Variants in BEND5 observed in about 807,000 individuals in gnomAD.
BEND5 encodes BEN domain containing 5, also known as BEN domain-containing protein 5.
A neutral mutation model predicts 43.9 loss-of-function variants in BEND5; 22 were observed. That is an observed-to-expected ratio of 0.50 (90% confidence interval 0.36 to 0.72). The LOEUF (loss-of-function observed/expected upper bound fraction) is 0.72. Among genes scored for constraint, BEND5 ranks in the 30% least tolerant of loss-of-function variants. The pLI is 0.00. For synonymous variants in BEND5, 228 were observed against 225.9 expected (o/e 1.01, Z -0.08); for missense variants, 428 against 550.6 (o/e 0.78, Z 2.23).
rs1250214943 is a variant in BEND5, at chr1:48,736,059, C to T, written c.1108+180G>A. Among the ~76,000 whole-genome samples the T allele has an allele frequency of 2.0e-5, 3 of 152,208 alleles. No homozygotes were observed. Among genetic ancestry groups the T allele is most frequent in the African/African-American group, 7.2e-5 (3 of 41,446 alleles). On this transcript the variant is annotated intron_variant, in intron 5 of 5. Transcript: ENST00000371833. The surrounding 1 kb of genome is among the most constrained non-coding windows in gnomAD (Gnocchi z 4.0). Reference sequence around the variant, plus strand: ...CGTACTTGTGTCCACAGCTCATCTGCCCTGGTAAATGTGAGCTCTTCTGGG... The same window carrying T: ...CGTACTTGTGTCCACAGCTCATCTGTCCTGGTAAATGTGAGCTCTTCTGGG...
At chr1:48,748,962 C>T (rs1651216416) in intron 3 of BEND5, among the ~76,000 whole-genome samples, 1 of 152,148 alleles carries the variant, frequency 6.6e-6, no homozygotes, top group African/African-American at 2.4e-5. Context: ...GACACAGATG[C>T]CTCCACAGTG....
intron 1 of BEND5, among the ~76,000 whole-genome samples, chr1:48,775,885 C>T (rs1429722432): frequency 6.6e-6 from 1 of 152,224 alleles, no homozygotes; most frequent in Non-Finnish European, 1.5e-5. Context: ...GCCCTCAACT[C>T]TCTCATTCAG....
intron 1 of BEND5, among the ~76,000 whole-genome samples, chr1:48,774,397 C>CAGGT (rs1644977197): frequency 6.6e-6 from 1 of 152,162 alleles, no homozygotes; most frequent in South Asian, 2.1e-4. Flanking sequence ...GCCCTTCGAT[C>CAGGT]AGGTCTCTAT....
intron 3 of BEND5, among the ~76,000 whole-genome samples, chr1:48,757,730 A>G (rs1218193106): frequency 6.6e-6 from 1 of 152,246 alleles, no homozygotes; most frequent in East Asian, 1.9e-4. Context: ...TAAATCAAAG[A>G]AGAATGAAGC....
chr1:48,730,442 C>T (rs143579821), intron 5 of BEND5, among the ~76,000 whole-genome samples: 1 of 152,228 alleles, frequency 6.6e-6, no homozygotes, highest in African/African-American at 2.4e-5. Context: ...AGAAGATTCC[C>T]CCAGCTCGAA....
intron 3 of BEND5, among the ~76,000 whole-genome samples, 175 bp from the exon 4 acceptor site, chr1:48,742,946 G>C (rs1934393): frequency 0.59 from 90,230 of 152,088 alleles, 29,932 homozygotes; most frequent in Non-Finnish European, 0.77. Context: ...AATGTCACAA[G>C]GGAAAAGGTG....
intron 4 of BEND5, among the ~76,000 whole-genome samples, chr1:48,738,877 C>T (rs1649478024): frequency 6.6e-6 from 1 of 152,020 alleles, no homozygotes; most frequent in Non-Finnish European, 1.5e-5. Context: ...TCATAATGAC[C>T]TTAAGAGATG....
rs1041746730 is a variant in BEND5, at chr1:48,732,538, C to A, written c.1108+3701G>T. Among the ~76,000 whole-genome samples, 5 of 150,940 alleles carry A rather than the reference C, an allele frequency of 3.3e-5. No homozygotes were observed. In the South Asian group the frequency reaches 6.2e-4, roughly 19 times the overall value. ...TGGAGTAGGGTGATGTGACAGACAG[C>A]AATGGAGAGGCTACTTTAGACTGAG... On this transcript the variant is annotated intron_variant, in intron 5 of 5. Transcript: ENST00000371833.
chr1:48,739,079 C>T (rs1649510571), intron 4 of BEND5, among the ~76,000 whole-genome samples: 1 of 152,176 alleles, frequency 6.6e-6, no homozygotes, highest in South Asian at 2.1e-4. Flanking sequence ...GACAGCAGAC[C>T]TAACACATCA....
chr1:48,754,857 C>T (rs1652299398), intron 3 of BEND5, among the ~76,000 whole-genome samples: 1 of 152,068 alleles, frequency 6.6e-6, no homozygotes, highest in African/African-American at 2.4e-5. Context: ...TAAAGAAGGC[C>T]ATACGGGTGA....
intron 1 of BEND5, among the ~76,000 whole-genome samples, chr1:48,767,028 G>A (rs1644565078): frequency 6.6e-6 from 1 of 152,158 alleles, no homozygotes; most frequent in Admixed American, 6.5e-5. Context: ...ATCCTGAGTT[G>A]AAGGTATAGA....
chr1:48,732,223 G>A (rs1648251954), intron 5 of BEND5, among the ~76,000 whole-genome samples: 1 of 152,142 alleles, frequency 6.6e-6, no homozygotes, highest in Non-Finnish European at 1.5e-5. Flanking sequence ...CACAGAGAAG[G>A]AGAGGAAGAA....
At chr1:48,769,622 C>A (rs1644711277) in intron 1 of BEND5, among the ~76,000 whole-genome samples, 1 of 151,700 alleles carries the variant, frequency 6.6e-6, no homozygotes. Context: ...TCCTCTAAGT[C>A]ATTCCTTTCC....
At chr1:48,737,765 A>G (rs1240299917) in intron 4 of BEND5, among the ~76,000 whole-genome samples, 1 of 152,204 alleles carries the variant, frequency 6.6e-6, no homozygotes, top group African/African-American at 2.4e-5. Context: ...TAGATCTCAC[A>G]AGTCATTTAC....
At chr1:48,752,556 GT>G (rs2148634511) in intron 3 of BEND5, among the ~76,000 whole-genome samples, 1 of 152,258 alleles carries the variant, frequency 6.6e-6, no homozygotes, top group South Asian at 2.1e-4. Flanking sequence ...GTCATCCAGG[GT>G]TGACCAAAGA....
At chr1:48,774,333 G>T (rs1294631615) in intron 1 of BEND5, among the ~76,000 whole-genome samples, 1 of 152,160 alleles carries the variant, frequency 6.6e-6, no homozygotes, top group Non-Finnish European at 1.5e-5. Context: ...TCAGGAAGGG[G>T]TTTGAAGATA....
chr1:48,740,785 G>A (rs1649797751), intron 4 of BEND5, among the ~76,000 whole-genome samples: 1 of 152,168 alleles, frequency 6.6e-6, no homozygotes, highest in Non-Finnish European at 1.5e-5. Context: ...GCAGAGCCAA[G>A]AACAATGAGG....
intron 5 of BEND5, among the ~76,000 whole-genome samples, chr1:48,729,403 T>C (rs1048933851): frequency 1.3e-5 from 2 of 152,136 alleles, no homozygotes; most frequent in Admixed American, 6.5e-5. Context: ...GCAAAACCCT[T>C]GGGGACTCTT....
intron 3 of BEND5, among the ~76,000 whole-genome samples, chr1:48,746,506 A>G (rs888747131): frequency 1.3e-5 from 2 of 152,186 alleles, no homozygotes; most frequent in Non-Finnish European, 2.9e-5. Flanking sequence ...AAGCTACTAT[A>G]CTGAGATCTT....
Sources: allele counts gnomAD v4.1 joint callset (sites outside exome capture counted in the v4.1 genomes callset), GRCh38; gene constraint gnomAD v4.1.1; non-coding constraint Gnocchi (gnomAD v3.1); transcripts MANE v1.5; gene names NCBI Gene and HGNC (gene_info 2026-07-23, HGNC 2026-07-21).